ARL15: variants seen among roughly 807,000 people sequenced by gnomAD.
The protein encoded by ARL15 is ARF like GTPase 15.
Under a neutral mutation model 25.2 loss-of-function variants are expected in ARL15, and 19 were observed. The ratio of observed to expected loss-of-function variants is 0.75; its 90% CI spans 0.53 to 1.10. ARL15 has a LOEUF of 1.10. Ranked by LOEUF, ARL15 falls within the 50% of genes least tolerant of loss-of-function variation. The probability of loss-of-function intolerance (pLI) is 0.00; values close to 1 mark genes in which losing one functional copy is unlikely to be tolerated. For synonymous variants in ARL15, 94 were observed against 86.8 expected, an observed-to-expected ratio of 1.08 and a Z score of -0.46; for missense variants, 220 against 246.0, an observed-to-expected ratio of 0.89 and a Z score of 0.71.
intron 4 of ARL15, among the ~76,000 whole-genome samples, chr5:53,929,977 T>C (rs1248355450): frequency 1.3e-5 from 2 of 152,202 alleles, no homozygotes; most frequent in Admixed American, 6.5e-5. Flanking sequence ...TTATTATAGG[T>C]TCTTTTTATA....
At chr5:54,144,470 T>G (rs1164987147) in intron 3 of ARL15, among the ~76,000 whole-genome samples, 1 of 152,242 alleles carries the variant, frequency 6.6e-6, no homozygotes, top group Non-Finnish European at 1.5e-5. Flanking sequence ...AGTCAAACTT[T>G]AAATTCTTAA....
intron 3 of ARL15, among the ~76,000 whole-genome samples, chr5:54,139,594 A>G (rs1753712775): frequency 1.3e-5 from 2 of 152,188 alleles, no homozygotes; most frequent in African/African-American, 4.8e-5. Flanking sequence ...GGGTGTACTA[A>G]AATCTCAGAC....
At chr5:54,142,773 A>G (rs568740826) in intron 3 of ARL15, among the ~76,000 whole-genome samples, 1 of 152,344 alleles carries the variant, frequency 6.6e-6, no homozygotes, top group African/African-American at 2.4e-5. Context: ...AGTGAAAAAA[A>G]AATCCAATTT....
At chr5:54,211,170 GTA>G (rs1756031279) in intron 1 of ARL15, among the ~76,000 whole-genome samples, 1 of 152,090 alleles carries the variant, frequency 6.6e-6, no homozygotes, top group Non-Finnish European at 1.5e-5. Context: ...GGTTTGTTTG[GTA>G]TGCACAAAGT....
chr5:54,248,477 C>T (rs774389848), intron 1 of ARL15, among the ~76,000 whole-genome samples: 2 of 152,142 alleles, frequency 1.3e-5, no homozygotes, highest in African/African-American at 2.4e-5. Context: ...GACTTCCCTC[C>T]ACTGTCTGCA....
chr5:54,155,663 AGTGT>A (rs1754205512), intron 2 of ARL15, among the ~76,000 whole-genome samples: 1 of 144,976 alleles, frequency 6.9e-6, no homozygotes, highest in East Asian at 2.1e-4. Flanking sequence ...GACATATGCA[AGTGT>A]GTATATACCC....
intron 3 of ARL15, among the ~76,000 whole-genome samples, chr5:54,146,928 C>T (rs1470911097): frequency 6.6e-6 from 1 of 152,122 alleles, no homozygotes; most frequent in Non-Finnish European, 1.5e-5. Flanking sequence ...TCAGGTCTAC[C>T]TCAGCCAGTA....
chr5:53,971,886 C>T lies in ARL15; in HGVS notation c.463-85173G>A, dbSNP rs546592897. Among the ~76,000 whole-genome samples the T allele has an allele frequency of 2.0e-5, 3 of 152,208 alleles. No individual in the cohort carries two copies. The South Asian group carries it at 6.2e-4, about 32-fold the overall frequency. ...TTAATTGTTTGCTTCTCAACAATTG[C>T]AATGTTCATTTTCCCAAATAAGCCT... On this transcript the variant is annotated intron_variant, in intron 4 of 4. Transcript: ENST00000504924.
At chr5:54,030,584 G>A (rs372126514) in intron 4 of ARL15, among the ~76,000 whole-genome samples, 4 of 152,280 alleles carry the variant, frequency 2.6e-5, no homozygotes, top group South Asian at 4.1e-4. Flanking sequence ...AGGTAATTCT[G>A]GGAAGCATCA....
At chr5:54,165,751 T>C (rs1220079782) in intron 2 of ARL15, among the ~76,000 whole-genome samples, 2 of 150,882 alleles carry the variant, frequency 1.3e-5, no homozygotes, top group Admixed American at 1.3e-4. Flanking sequence ...TATATATATA[T>C]ATAAATAGAG....
intron 1 of ARL15, among the ~76,000 whole-genome samples, chr5:54,202,988 AT>A (rs1196883362): frequency 6.6e-6 from 1 of 152,138 alleles, no homozygotes; most frequent in African/African-American, 2.4e-5. Flanking sequence ...GAAAAAGTTA[AT>A]GTAATTATTC....
intron 1 of ARL15, among the ~76,000 whole-genome samples, chr5:54,232,222 G>A (rs1284061343): frequency 6.6e-6 from 1 of 152,174 alleles, no homozygotes; most frequent in Non-Finnish European, 1.5e-5. Flanking sequence ...ATGTTCCCAT[G>A]ATCCTGACCA....
chr5:54,195,579 C>T (rs1755526832), intron 1 of ARL15, among the ~76,000 whole-genome samples: 1 of 152,076 alleles, frequency 6.6e-6, no homozygotes, highest in Admixed American at 6.6e-5. Flanking sequence ...TATTTTTTCT[C>T]ATGTCTAAAG....
At chr5:54,271,952 G>T (rs971446707) in intron 1 of ARL15, among the ~76,000 whole-genome samples, 69 of 140,816 alleles carry the variant, frequency 4.9e-4, no homozygotes, top group African/African-American at 1.7e-3. Flanking sequence ...ATTTAAATTG[G>T]TTTTTTTAAG....
intron 1 of ARL15, among the ~76,000 whole-genome samples, chr5:54,305,479 T>A (rs1758732666): frequency 6.6e-6 from 1 of 151,784 alleles, no homozygotes; most frequent in Non-Finnish European, 1.5e-5. Flanking sequence ...AATAAATAAA[T>A]AAAAAATCCC....
At chr5:54,138,901 C>A (rs1299845269) in intron 3 of ARL15, among the ~76,000 whole-genome samples, 2 of 152,016 alleles carry the variant, frequency 1.3e-5, no homozygotes. Context: ...AAATGGTCAA[C>A]AAACATGTGA....
chr5:54,288,374 G>A (rs1157724687), intron 1 of ARL15, among the ~76,000 whole-genome samples: 2 of 152,212 alleles, frequency 1.3e-5, no homozygotes, highest in Non-Finnish European at 2.9e-5. Context: ...GTGATGGCAG[G>A]AGCTCTGGCA....
At chr5:54,033,741 T>C (rs1269271320) in intron 4 of ARL15, among the ~76,000 whole-genome samples, 1 of 151,454 alleles carries the variant, frequency 6.6e-6, no homozygotes, top group African/African-American at 2.4e-5. Flanking sequence ...GTTAAGAAAA[T>C]ACCACAGAAA....
At chr5:53,929,945 G>A (rs1222367596) in intron 4 of ARL15, among the ~76,000 whole-genome samples, 2 of 151,950 alleles carry the variant, frequency 1.3e-5, no homozygotes, top group Non-Finnish European at 2.9e-5. Context: ...CTTATGCTCT[G>A]TTCTTAGGAG....
Sources: gnomAD v4.1 joint callset for allele counts (sites outside exome capture counted in the v4.1 genomes callset) on GRCh38, gnomAD v4.1.1 for gene constraint, MANE v1.5 for transcripts, NCBI Gene and HGNC (gene_info 2026-07-23, HGNC 2026-07-21) for gene names.